The following OXTR variants were observed in gnomAD, a reference collection of about 807,000 sequenced individuals.
The protein encoded by OXTR is oxytocin receptor.
Under a neutral mutation model 23.9 loss-of-function variants are expected in OXTR, and 19 were observed. The ratio of observed to expected loss-of-function variants is 0.80; its 90% CI spans 0.56 to 1.17. The LOEUF (loss-of-function observed/expected upper bound fraction) is 1.17. Among genes scored for constraint, OXTR ranks in the 50% most tolerant of loss-of-function variants. OXTR has a pLI of 0.00. For missense variants in OXTR, 500 were observed against 550.7 expected (o/e 0.91, Z 0.92); for synonymous variants, 278 against 250.5 (o/e 1.11, Z -1.04).
intron 3 of OXTR, among the ~76,000 whole-genome samples, chr3:8,766,696 C>G (rs1708616023): frequency 6.6e-6 from 1 of 151,044 alleles, no homozygotes; most frequent in South Asian, 2.1e-4. Context: ...GACTCCTCTG[C>G]CCCCCAACAC....
At chr3:8,760,399 T>C (rs1266248891) in intron 3 of OXTR, among the ~76,000 whole-genome samples, 1 of 152,190 alleles carries the variant, frequency 6.6e-6, no homozygotes, top group African/African-American at 2.4e-5. Context: ...GGCGAGGGCT[T>C]GGGAGGGCCC....
chr3:8,759,073 A>G (rs1335308222), intron 3 of OXTR, among the ~76,000 whole-genome samples: 1 of 152,238 alleles, frequency 6.6e-6, no homozygotes, highest in African/African-American at 2.4e-5. Flanking sequence ...CAGAATCTGC[A>G]TTTTAACAAA....
Position 8,768,155 on chromosome 3 carries a change from G to T in OXTR, c.33C>A (p.Ala11=). The change falls in exon 3 of 4, where the codon GCC becomes GCA. Residue 11 remains alanine, a synonymous_variant. Transcript: ENST00000316793. This position sits in a 1 kb window ranked among gnomAD's most constrained non-coding sequence, Gnocchi z 5.4. MEGALAANWS[A]EAANASAAPP... ...GCGCGGCGCTGGCGTTGGCTGCCTCGGCGCTCCAGTTGGCTGCGAGCGCGC... is the reference window on the plus strand; with the variant it reads ...GCGCGGCGCTGGCGTTGGCTGCCTCTGCGCTCCAGTTGGCTGCGAGCGCGC... 7.5e-7 allele frequency: 1 copy of T among 1,335,158 alleles called. No homozygotes were observed. 82.7% of individuals were successfully genotyped at this position (1,335,158 alleles called of 1,614,324 possible).
At chr3:8,745,503 G>C (rs57159780), downstream of OXTR, 128,000 of 1,594,502 alleles carry the variant, frequency 0.08, 5,703 homozygotes, top group African/African-American at 0.12. The surrounding 1 kb of genome is among the most constrained non-coding windows in gnomAD (Gnocchi z 4.8). Flanking sequence ...GTGAGTTGAG[G>C]CTTCCCCTTG....
rs748707544 is a variant in OXTR, at chr3:8,767,833, G to A, written c.355C>T (p.Gln119Ter). 2 of 1,612,092 alleles carry A rather than the reference G, an allele frequency of 1.2e-6. No individual in the cohort carries two copies. Among genetic ancestry groups the A allele is most frequent in the Non-Finnish European group, 1.7e-6 (2 of 1,179,098 alleles). ...GTGGAGGCGAACATGCCCACCACCT[G>A]CAAGTACTTGACCAGGCGGCACAGC... ...DLLCRLVKYL[Q>*]VVGMFASTYL... The change falls in exon 3 of 4, where the codon CAG becomes TAG. Residue 119 changes from glutamine (Q) to a stop codon, truncating the protein, a stop_gained. Transcript: ENST00000316793. LOFTEE classifies it high-confidence loss of function.
At chr3:8,742,513 G>A in the OXTR span, 1,402 of 456,580 alleles carry the variant, frequency 3.1e-3, 6 homozygotes, top group Non-Finnish European at 4.0e-3. Context: ...TGAGACACAC[G>A]CAGACTCATT....
chr3:8,760,881 G>C (rs1708470079), intron 3 of OXTR, among the ~76,000 whole-genome samples: 1 of 149,646 alleles, frequency 6.7e-6, no homozygotes, highest in African/African-American at 2.5e-5. Flanking sequence ...CAACAAGAGA[G>C]TACTCACTGC....
chr3:8,767,153 A>C, intron 3 of OXTR, 113 bp downstream of exon 3: 1 of 1,089,654 alleles, frequency 9.2e-7, no homozygotes, highest in Non-Finnish European at 1.3e-6. Context: ...TGGGATTTCA[A>C]ACCCGCTTAT....
the OXTR span, chr3:8,742,642 A>C: frequency 4.8e-6 from 2 of 418,612 alleles, no homozygotes; most frequent in Non-Finnish European, 9.6e-6. Flanking sequence ...TATTACCATC[A>C]CAATAGCCAG....
At chr3:8,765,206 C>A (rs1006073957) in intron 3 of OXTR, among the ~76,000 whole-genome samples, 8 of 152,210 alleles carry the variant, frequency 5.3e-5, no homozygotes, top group African/African-American at 1.9e-4. Context: ...AACTTCGCTT[C>A]ACGGTACGTG....
In OXTR at chr3:8,767,831, C is replaced by T; in HGVS notation, c.357G>A (p.Gln119=). 1 of 1,611,984 alleles carries T rather than the reference C, an allele frequency of 6.2e-7. No individual in the cohort carries two copies. Among genetic ancestry groups the T allele is most frequent in the Non-Finnish European group, 8.5e-7 (1 of 1,179,010 alleles). The change falls in exon 3 of 4, where the codon CAG becomes CAA. Residue 119 remains glutamine (Q), a synonymous_variant. Transcript: ENST00000316793. ...AGGTGGAGGCGAACATGCCCACCAC[C>T]TGCAAGTACTTGACCAGGCGGCACA... ...DLLCRLVKYL[Q]VVGMFASTYL...
chr3:8,767,302 T>A lies in OXTR; in HGVS notation c.886A>T (p.Met296Leu), dbSNP rs1708629979. 5 of 1,590,510 alleles carry A rather than the reference T, an allele frequency of 3.1e-6. No individual in the cohort carries two copies. Among genetic ancestry groups the A allele is most frequent in the South Asian group, 2.3e-5 (2 of 87,018 alleles). ...VCWTPFFFVQMWSVWDANAPK... is the reference protein window; with the variant it reads ...VCWTPFFFVQLWSVWDANAPK... ...GCGTTGGCATCCCAGACGCTCCACA[T>A]CTGCACGAAGAAGAAAGGCGTCCAG... The change falls in exon 3 of 4, where the codon ATG becomes TTG. Residue 296 changes from methionine (M) to leucine (L), a missense_variant. By Grantham distance (15) the Met-to-Leu change is conservative. Transcript: ENST00000316793.
At position 8,767,626 on chromosome 3, in the gene OXTR, A is replaced by G. The variant is rs772500085; in HGVS notation, c.562T>C (p.Trp188Arg). The G allele has an allele frequency of 1.9e-6, 3 of 1,613,156 alleles. No individual in the cohort carries two copies. The South Asian group carries it at 3.3e-5, about 18-fold the overall frequency. The change falls in exon 3 of 4, where the codon TGG becomes CGG. Residue 188 changes from tryptophan (W) to arginine (R), a missense_variant. Transcript: ENST00000316793. ...CCCCAGGGCTGGATGAAGACGGCCC[A>G]GCAGTCGAAGACGCCGTCAGCCACC... Reference protein sequence around the residue: ...REVADGVFDCWAVFIQPWGPK... With the variant: ...REVADGVFDCRAVFIQPWGPK...
chr3:8,757,958 T>C (rs1708408756), intron 3 of OXTR, among the ~76,000 whole-genome samples: 1 of 151,978 alleles, frequency 6.6e-6, no homozygotes, highest in Admixed American at 6.6e-5. Flanking sequence ...AGCAGAATAT[T>C]GAACAGGGGG....
In OXTR at chr3:8,750,633, A is replaced by G. The variant is rs1331088345; in HGVS notation, c.*2344T>C. On this transcript the variant is annotated 3_prime_UTR_variant, in exon 4 of 4. Transcript: ENST00000316793. The stretch of plus-strand genomic sequence containing the variant: ...ACATTGCATTTCAATGCAGTCAGAC[A>G]ATATGTGGGCTTTTGCACCTGGCTT... 6.6e-6 allele frequency: 1 copy of G among 152,204 alleles called. No individual in the cohort carries two copies. Among genetic ancestry groups the G allele is most frequent in the Non-Finnish European group, 1.5e-5 (1 of 68,042 alleles). The allele number at this position is 152,204 out of a possible 1,614,324, so 9.4% of individuals were successfully genotyped here.
chr3:8,759,049 C>T lies in OXTR; in HGVS notation c.923-5825G>A, dbSNP rs138946940. 6.1e-3 allele frequency among the ~76,000 whole-genome samples: 931 copies of T among 152,366 alleles called. 11 individuals carry two copies. Among genetic ancestry groups the T allele is most frequent in the African/African-American group, 0.021 (887 of 41,584 alleles). ...ACTGCAAACTCTTGGGGCCCCACCC[C>T]AGACCTACTGAGTCAGAATCTGCAT... On this transcript the variant is annotated intron_variant, in intron 3 of 3. Coordinates refer to ENST00000316793, the MANE Select transcript of OXTR (RefSeq NM_000916.4).
At chr3:8,766,652 AGGAGTTCAG>A (rs1708614563) in intron 3 of OXTR, among the ~76,000 whole-genome samples, 5 of 152,120 alleles carry the variant, frequency 3.3e-5, no homozygotes, top group Admixed American at 3.3e-4. Context: ...CCACTCGATG[AGGAGTTCAG>A]GGATTTGTCT....
At chr3:8,762,372 A>C (rs569385838) in intron 3 of OXTR, among the ~76,000 whole-genome samples, 19 of 152,354 alleles carry the variant, frequency 1.2e-4, no homozygotes, top group Admixed American at 2.0e-4. Context: ...AAAAGAAGTG[A>C]AATCACCACA....
At chr3:8,761,741 C>G (rs1276350462) in intron 3 of OXTR, among the ~76,000 whole-genome samples, 13 of 152,332 alleles carry the variant, frequency 8.5e-5, no homozygotes, top group African/African-American at 2.9e-4. Flanking sequence ...GTGGTGGCTG[C>G]TGTTACCAAC....
Sources: gnomAD v4.1 joint callset for allele counts (sites outside exome capture counted in the v4.1 genomes callset) on GRCh38, gnomAD v4.1.1 for gene constraint, Gnocchi (gnomAD v3.1) non-coding constraint, MANE v1.5 for transcripts, NCBI Gene and HGNC (gene_info 2026-07-23, HGNC 2026-07-21) for gene names.